The following TUSC3 variants were observed in gnomAD, a reference collection of about 807,000 sequenced individuals.
The protein encoded by TUSC3 is dolichyl-diphosphooligosaccharide--protein glycosyltransferase subunit TUSC3.
A neutral mutation model predicts 44.8 loss-of-function variants in TUSC3; 45 were observed. The observed-to-expected ratio is 1.00, with a 90% CI of 0.79 to 1.29. The LOEUF (loss-of-function observed/expected upper bound fraction) is 1.29, where lower values mean the gene tolerates loss of function less well. Ranked by LOEUF, TUSC3 falls within the 50% of genes most tolerant of loss-of-function variation. The pLI, the probability that TUSC3 is intolerant of heterozygous loss-of-function variation, is 0.00. For synonymous variants in TUSC3, 212 were observed against 152.9 expected, an observed-to-expected ratio of 1.39 and a Z score of -2.85; for missense variants, 519 against 437.9, an observed-to-expected ratio of 1.19 and a Z score of -1.65.
chr8:15,738,940 C>T (rs1056914122), intron 7 of TUSC3, among the ~76,000 whole-genome samples: 2 of 149,490 alleles, frequency 1.3e-5, no homozygotes, highest in African/African-American at 4.9e-5. Flanking sequence ...TCAAGCAACT[C>T]CTCTGCCTCA....
the TUSC3 span, among the ~76,000 whole-genome samples, chr8:15,803,522 T>G: frequency 1.3e-5 from 2 of 152,184 alleles, no homozygotes; most frequent in Non-Finnish European, 2.9e-5. Flanking sequence ...GCAGAAAATT[T>G]CAGTAGCATA....
intron 1 of TUSC3, among the ~76,000 whole-genome samples, chr8:15,449,451 G>A (rs1472274907): frequency 6.6e-6 from 1 of 152,138 alleles, no homozygotes; most frequent in East Asian, 1.9e-4. Flanking sequence ...GCCATGGCTG[G>A]TGGTCTCTTA....
At chr8:15,545,490 A>T (rs1346592) in intron 1 of TUSC3, among the ~76,000 whole-genome samples, 3 of 151,522 alleles carry the variant, frequency 2.0e-5, no homozygotes, top group African/African-American at 7.3e-5. Flanking sequence ...GTCTTCTTTG[A>T]CTATGTGCTA....
the TUSC3 span, among the ~76,000 whole-genome samples, chr8:15,820,428 T>G: frequency 6.6e-6 from 1 of 151,116 alleles, no homozygotes; most frequent in African/African-American, 2.4e-5. Flanking sequence ...CAAGCGATTC[T>G]CCTGCCTCAG....
At chr8:15,523,643 T>C (rs1278350988) in intron 2 of TUSC3, among the ~76,000 whole-genome samples, 2 of 4,858 alleles carry the variant, frequency 4.1e-4, no homozygotes, top group African/African-American at 8.3e-4. Context: ...TAAAAACATA[T>C]ATATATATAT....
chr8:15,842,587 T>C, the TUSC3 span, among the ~76,000 whole-genome samples: 1 of 152,146 alleles, frequency 6.6e-6, no homozygotes, highest in Admixed American at 6.5e-5. Flanking sequence ...ATATTTCCTG[T>C]GCATGCAAAG....
chr8:15,755,280 T>C (rs780584086), intron 9 of TUSC3, among the ~76,000 whole-genome samples: 6 of 152,104 alleles, frequency 3.9e-5, no homozygotes, highest in Non-Finnish European at 7.4e-5. Flanking sequence ...ATTAGAAAGA[T>C]TACATGAGAG....
chr8:15,697,088 G>C (rs1013644106), intron 6 of TUSC3, among the ~76,000 whole-genome samples: 2 of 152,136 alleles, frequency 1.3e-5, no homozygotes, highest in African/African-American at 4.8e-5. Flanking sequence ...TAGTAGCCTT[G>C]AATGATCTTT....
intron 1 of TUSC3, among the ~76,000 whole-genome samples, chr8:15,593,016 C>G (rs1803917484): frequency 6.6e-6 from 1 of 152,102 alleles, no homozygotes; most frequent in African/African-American, 2.4e-5. Flanking sequence ...GGGGTATGAA[C>G]ATTTTTGGAT....
chr8:15,769,714 G>C (rs1812408281), downstream of TUSC3, among the ~76,000 whole-genome samples: 1 of 152,166 alleles, frequency 6.6e-6, no homozygotes, highest in Middle Eastern at 3.4e-3. Context: ...AATCTACAAA[G>C]AACTGAAATT....
At chr8:15,649,213 T>G (rs184519018) in intron 2 of TUSC3, among the ~76,000 whole-genome samples, 106 of 152,322 alleles carry the variant, frequency 7.0e-4, no homozygotes, top group Middle Eastern at 3.4e-3. Context: ...AATACATGTT[T>G]TTTTTCGTTG....
the TUSC3 span, among the ~76,000 whole-genome samples, chr8:15,839,123 G>C: frequency 2.0e-5 from 3 of 152,116 alleles, no homozygotes; most frequent in African/African-American, 7.2e-5. Flanking sequence ...TGAAGCAATT[G>C]TGAATGGGAG....
chr8:15,799,299 C>G, the TUSC3 span, among the ~76,000 whole-genome samples: 1 of 152,098 alleles, frequency 6.6e-6, no homozygotes, highest in Non-Finnish European at 1.5e-5. Flanking sequence ...TAGTTCTGCC[C>G]AGAATAATGG....
At chr8:15,596,066 C>G (rs1022669087) in intron 1 of TUSC3, among the ~76,000 whole-genome samples, 1 of 152,156 alleles carries the variant, frequency 6.6e-6, no homozygotes, top group African/African-American at 2.4e-5. Context: ...TTTCTAGTCT[C>G]TCATCTAAAG....
chr8:15,489,832 C>A (rs903499), intron 2 of TUSC3, among the ~76,000 whole-genome samples: 1 of 151,916 alleles, frequency 6.6e-6, no homozygotes, highest in Non-Finnish European at 1.5e-5. Context: ...CCTTGGCCAA[C>A]AGATGGGGTC....
intron 6 of TUSC3, among the ~76,000 whole-genome samples, chr8:15,722,618 T>C (rs1225655907): frequency 6.6e-6 from 1 of 152,112 alleles, no homozygotes; most frequent in Non-Finnish European, 1.5e-5. Flanking sequence ...TGTGGTGTTG[T>C]TTACCTGCCT....
At chr8:15,568,793 T>C (rs561933317) in intron 1 of TUSC3, among the ~76,000 whole-genome samples, 28 of 152,170 alleles carry the variant, frequency 1.8e-4, no homozygotes, top group Non-Finnish European at 3.5e-4. Flanking sequence ...AAATGTAAAT[T>C]CTTATTGGTA....
At chr8:15,845,699 C>T in the TUSC3 span, among the ~76,000 whole-genome samples, 1 of 152,106 alleles carries the variant, frequency 6.6e-6, no homozygotes, top group Non-Finnish European at 1.5e-5. Context: ...GTTCTGTTTG[C>T]TCTAGGGGTT....
intron 1 of TUSC3, among the ~76,000 whole-genome samples, chr8:15,471,137 T>G (rs1352089866): frequency 6.7e-6 from 1 of 150,326 alleles, no homozygotes; most frequent in African/African-American, 2.5e-5. Context: ...TTCTTTGATT[T>G]AATTCCCCAG....
Sources: gnomAD v4.1 joint callset for allele counts (sites outside exome capture counted in the v4.1 genomes callset) on GRCh38, gnomAD v4.1.1 for gene constraint, MANE v1.5 for transcripts, NCBI Gene and HGNC (gene_info 2026-07-23, HGNC 2026-07-21) for gene names.